Variants in DPY19L4 observed in about 807,000 individuals in gnomAD.
The protein encoded by DPY19L4 is dpy-19 like 4.
DPY19L4 carries 97 observed loss-of-function variants against 102.8 expected under a neutral mutation model. The observed-to-expected ratio is 0.94, with a 90% CI of 0.80 to 1.12. The LOEUF (loss-of-function observed/expected upper bound fraction) is 1.12, where lower values mean the gene tolerates loss of function less well. Among genes scored for constraint, DPY19L4 ranks in the 50% most tolerant of loss-of-function variants. The probability of loss-of-function intolerance (pLI) is 0.00; values close to 1 mark genes in which losing one functional copy is unlikely to be tolerated. For missense variants in DPY19L4, 815 were observed against 850.4 expected (o/e 0.96, Z 0.52); for synonymous variants, 252 against 283.1 (o/e 0.89, Z 1.10).
At position 94,787,932 on chromosome 8, in the gene DPY19L4, T is replaced by C; in HGVS notation, c.1887T>C (p.Ile629=). 6.8e-7 allele frequency: 1 copy of C among 1,471,532 alleles called. No individual in the cohort carries two copies. 91.2% of individuals were successfully genotyped at this position (1,471,532 alleles called of 1,614,324 possible). A position where few individuals can be genotyped will look rare whatever the true frequency, so the allele number is the denominator to read the frequency against. Reference sequence around the variant, plus strand: ...ATTCAAAGCGATCTGCTGAGGATATTTATAAAATACTGACATCTTACAAAG... The same window carrying C: ...ATTCAAAGCGATCTGCTGAGGATATCTATAAAATACTGACATCTTACAAAG... ...QIYSKRSAED[I]YKILTSYKAN... The change falls in exon 18 of 19, where the codon ATT becomes ATC. Residue 629 remains isoleucine, a synonymous_variant. Coordinates refer to ENST00000414645, the MANE Select transcript of DPY19L4 (RefSeq NM_181787.3).
chr8:94,753,178 T>C (rs1812022130), intron 6 of DPY19L4, among the ~76,000 whole-genome samples: 2 of 152,226 alleles, frequency 1.3e-5, no homozygotes, highest in African/African-American at 2.4e-5. Context: ...TTTGTTTGTA[T>C]ACATTTTCTA....
chr8:94,762,178 C>T (rs747751762), intron 8 of DPY19L4, among the ~76,000 whole-genome samples: 53 of 152,184 alleles, frequency 3.5e-4, no homozygotes, highest in Non-Finnish European at 6.5e-4. Flanking sequence ...GAAATATCAG[C>T]TTTGCTCAAA....
At position 94,760,419 on chromosome 8, in the gene DPY19L4, G is replaced by A. The variant is rs541168240; in HGVS notation, c.736-1281G>A. On this transcript the variant is annotated intron_variant, in intron 7 of 18. Coordinates refer to ENST00000414645, the MANE Select transcript of DPY19L4 (RefSeq NM_181787.3). ...CTGTGCACAGCTATGGTGACAGGAAGAGCAGAAGCTTATGTCAGAGCCCTT... is the reference window on the plus strand; with the variant it reads ...CTGTGCACAGCTATGGTGACAGGAAAAGCAGAAGCTTATGTCAGAGCCCTT... Among the ~76,000 whole-genome samples the A allele has an allele frequency of 4.6e-5, 7 of 152,328 alleles. No homozygotes were observed. The East Asian group carries it at 1.3e-3, about 29-fold the overall frequency.
chr8:94,781,091 C>A lies in DPY19L4; in HGVS notation c.1640C>A (p.Pro547His). 1 of 1,473,748 alleles carries A rather than the reference C, an allele frequency of 6.8e-7. No homozygotes were observed. Among genetic ancestry groups the A allele is most frequent in the Non-Finnish European group, 8.9e-7 (1 of 1,119,730 alleles). The allele number at this position is 1,473,748 out of a possible 1,614,324, so 91.3% of individuals were successfully genotyped here. The change falls in exon 16 of 19, where the codon CCC becomes CAC. Residue 547 changes from proline to histidine, a missense_variant. Physicochemically the swap from Pro to His is moderately conservative, Grantham distance 77. Coordinates refer to ENST00000414645, the MANE Select transcript of DPY19L4 (RefSeq NM_181787.3). Reference protein sequence around the residue: ...IGLSLWKEFFPRLMTELMELQ... With the variant: ...IGLSLWKEFFHRLMTELMELQ... ...TTTTTTTTTGCATTTTAGTTTTTTC[C>A]CAGATTAATGACAGAATTAATGGAA...
intron 2 of DPY19L4, among the ~76,000 whole-genome samples, chr8:94,729,384 C>T (rs1044980098): frequency 6.9e-6 from 1 of 145,332 alleles, no homozygotes; most frequent in South Asian, 2.2e-4. Context: ...AACACACACA[C>T]ACACAAATTT....
chr8:94,792,270 C>G lies in DPY19L4; in HGVS notation c.*2360C>G, dbSNP rs930841410. Reference sequence around the variant, plus strand: ...TTTTGAGATGGAGTTTCACTCTTGTCTCCCAGGCTGGAGTGCAATGGCGCG... The same window carrying G: ...TTTTGAGATGGAGTTTCACTCTTGTGTCCCAGGCTGGAGTGCAATGGCGCG... On this transcript the variant is annotated 3_prime_UTR_variant, in exon 19 of 19. Transcript: ENST00000414645. The G allele has an allele frequency of 1.3e-5, 2 of 151,932 alleles. No homozygotes were observed. Among genetic ancestry groups the G allele is most frequent in the African/African-American group, 4.8e-5 (2 of 41,372 alleles). The allele number at this position is 151,932 out of a possible 1,614,324, so 9.4% of individuals were successfully genotyped here.
At chr8:94,723,708 G>T (rs1467426376) in intron 1 of DPY19L4, among the ~76,000 whole-genome samples, 1 of 152,136 alleles carries the variant, frequency 6.6e-6, no homozygotes, top group African/African-American at 2.4e-5. Flanking sequence ...GGCTCTTACA[G>T]TTTAATGCCA....
chr8:94,774,579 CTTTT>C (rs1218454912), intron 13 of DPY19L4, among the ~76,000 whole-genome samples: 1 of 132,888 alleles, frequency 7.5e-6, no homozygotes, highest in Non-Finnish European at 1.6e-5. Context: ...CCACTTCTTT[CTTTT>C]TTTTTTTTTT....
chr8:94,722,557 T>C (rs772731180), intron 1 of DPY19L4, among the ~76,000 whole-genome samples: 5 of 152,326 alleles, frequency 3.3e-5, no homozygotes, highest in African/African-American at 1.2e-4. Flanking sequence ...TCCATAAATA[T>C]GTGTATTCAT....
At chr8:94,770,782 G>A (rs954723467) in intron 13 of DPY19L4, among the ~76,000 whole-genome samples, 2 of 151,974 alleles carry the variant, frequency 1.3e-5, no homozygotes, top group African/African-American at 2.4e-5. Flanking sequence ...GGTAGCTACT[G>A]GGGAGGCTGA....
intron 6 of DPY19L4, among the ~76,000 whole-genome samples, chr8:94,740,818 C>T (rs1811413663): frequency 6.6e-6 from 1 of 152,072 alleles, no homozygotes; most frequent in South Asian, 2.1e-4. Context: ...ATTTCTATAA[C>T]TTTTTATCTT....
chr8:94,783,649 A>G (rs1322075646), intron 16 of DPY19L4, 21 bp from the exon 17 acceptor site: 17 of 1,611,162 alleles, frequency 1.1e-5, no homozygotes, highest in African/African-American at 2.7e-5. Context: ...TCAGTGTGCA[A>G]ATCTTTATGG....
chr8:94,755,769 C>G (rs906119197), intron 6 of DPY19L4, among the ~76,000 whole-genome samples: 2 of 152,098 alleles, frequency 1.3e-5, no homozygotes, highest in Non-Finnish European at 2.9e-5. Flanking sequence ...CCTGTAATCC[C>G]AGCTACGCAG....
At chr8:94,782,326 C>T (rs1813466621) in intron 16 of DPY19L4, among the ~76,000 whole-genome samples, 1 of 152,110 alleles carries the variant, frequency 6.6e-6, no homozygotes, top group African/African-American at 2.4e-5. Context: ...GGCTTGTTTA[C>T]AAGGTAGTTG....
Position 94,791,098 on chromosome 8 carries a change from T to C in DPY19L4, c.*1188T>C, listed in dbSNP as rs1358313401. On this transcript the variant is annotated 3_prime_UTR_variant, in exon 19 of 19. Coordinates refer to ENST00000414645, the MANE Select transcript of DPY19L4 (RefSeq NM_181787.3). ...CCTATAGATGTGTCATTTTAATAAGTTGGGATACATGTTTAGTTTTTCCTT... is the reference window on the plus strand; with the variant it reads ...CCTATAGATGTGTCATTTTAATAAGCTGGGATACATGTTTAGTTTTTCCTT... The C allele has an allele frequency of 2.0e-5, 3 of 152,148 alleles. No homozygotes were observed. The highest frequency in any genetic ancestry group is 2.9e-5 in the Non-Finnish European group (2 of 67,962). 9.4% of individuals were successfully genotyped at this position (152,148 alleles called of 1,614,324 possible).
intron 13 of DPY19L4, among the ~76,000 whole-genome samples, chr8:94,775,240 C>G (rs1233159322): frequency 6.6e-6 from 1 of 151,372 alleles, no homozygotes; most frequent in Non-Finnish European, 1.5e-5. Context: ...GGCGCCATCT[C>G]GACTCACTGT....
chr8:94,783,886 G>A lies in DPY19L4; in HGVS notation c.1848+84G>A, dbSNP rs573322147. Reference sequence around the variant, plus strand: ...AGTCTGCAGTATACATATGCTTCTAGGTAGCTAGGAAAGTCCAAACAATTT... The same window carrying A: ...AGTCTGCAGTATACATATGCTTCTAAGTAGCTAGGAAAGTCCAAACAATTT... On this transcript the variant is annotated intron_variant, in intron 17 of 18. Transcript: ENST00000414645. 95 of 1,452,952 alleles carry A rather than the reference G, an allele frequency of 6.5e-5. 1 individual carries two copies. In the South Asian group the frequency reaches 1.3e-3, roughly 20 times the overall value. 90.0% of individuals were successfully genotyped at this position (1,452,952 alleles called of 1,614,324 possible).
At position 94,777,657 on chromosome 8, in the gene DPY19L4, G is replaced by A. The variant is rs756849336; in HGVS notation, c.1455-9G>A. 3 of 1,610,246 alleles carry A rather than the reference G, an allele frequency of 1.9e-6. No homozygotes were observed. In the South Asian group the frequency reaches 3.3e-5, roughly 18 times the overall value. On this transcript the variant is annotated splice_polypyrimidine_tract_variant and intron_variant, in intron 13 of 18. Transcript: ENST00000414645. Reference sequence around the variant, plus strand: ...ATGTCTCATGTATGACTCCATTTGTGTTTTCTAGCTTGAAGTACATCTGGA... The same window carrying A: ...ATGTCTCATGTATGACTCCATTTGTATTTTCTAGCTTGAAGTACATCTGGA...
Position 94,743,219 on chromosome 8 carries a change from G to A in DPY19L4, c.611+3429G>A, listed in dbSNP as rs187139645. On this transcript the variant is annotated intron_variant, in intron 6 of 18. Transcript: ENST00000414645. ...ATTTTTGTATTTTTAATAGAGGTGG[G>A]GGTTTTGCCATGTTGGCCCAGGCTG... Among the ~76,000 whole-genome samples, 3 of 151,756 alleles carry A rather than the reference G, an allele frequency of 2.0e-5. No homozygotes were observed. In the East Asian group the frequency reaches 5.9e-4, roughly 30 times the overall value.
Sources: allele counts gnomAD v4.1 joint callset (sites outside exome capture counted in the v4.1 genomes callset), GRCh38; gene constraint gnomAD v4.1.1; transcripts MANE v1.5; gene names NCBI Gene and HGNC (gene_info 2026-07-23, HGNC 2026-07-21).